The following NELL1 variants were observed in gnomAD, a reference collection of about 807,000 sequenced individuals.
NELL1 encodes neural EGFL like 1, also known as protein kinase C-binding protein NELL1.
NELL1 carries 76 observed loss-of-function variants against 107.4 expected under a neutral mutation model. The observed-to-expected ratio is 0.71, with a 90% CI of 0.59 to 0.86. The LOEUF is 0.86. Among genes scored for constraint, NELL1 ranks in the 40% least tolerant of loss-of-function variants. The probability of loss-of-function intolerance (pLI) is 0.00; values close to 1 mark genes in which losing one functional copy is unlikely to be tolerated. For synonymous variants in NELL1, 353 were observed against 341.2 expected, an observed-to-expected ratio of 1.03 and a Z score of -0.38; for missense variants, 1,024 against 1,005.5, an observed-to-expected ratio of 1.02 and a Z score of -0.25.
chr11:20,713,023 T>C (rs7940774), intron 2 of NELL1, among the ~76,000 whole-genome samples: 1 of 152,232 alleles, frequency 6.6e-6, no homozygotes, highest in Admixed American at 6.5e-5. Flanking sequence ...GGCAGTGGAA[T>C]TACCTGTTGT....
At chr11:20,936,690 T>G (rs1168865026) in intron 9 of NELL1, among the ~76,000 whole-genome samples, 1 of 152,210 alleles carries the variant, frequency 6.6e-6, no homozygotes, top group African/African-American at 2.4e-5. Flanking sequence ...GAAGAAAGCT[T>G]TGGTTCTTGC....
At chr11:21,033,197 C>T (rs914531660) in intron 12 of NELL1, among the ~76,000 whole-genome samples, 4 of 152,034 alleles carry the variant, frequency 2.6e-5, no homozygotes, top group Non-Finnish European at 5.9e-5. Context: ...GTGTGGGTTA[C>T]TTTGTATTAA....
intron 14 of NELL1, among the ~76,000 whole-genome samples, chr11:21,337,785 T>TTTCTTTCTTTCTTTCTTTCC (rs1565175379): frequency 2.1e-5 from 3 of 140,302 alleles, no homozygotes; most frequent in South Asian, 5.0e-4. Flanking sequence ...TCTTTCTTTC[T>TTTCTTTCTTTCTTTCTTTCC]TTCTTTCTTT....
At chr11:21,387,713 A>C (rs1054204114) in intron 15 of NELL1, among the ~76,000 whole-genome samples, 2 of 151,814 alleles carry the variant, frequency 1.3e-5, no homozygotes, top group Admixed American at 6.6e-5. Context: ...TTTTTTCTCA[A>C]TTGAACTCTG....
intron 12 of NELL1, among the ~76,000 whole-genome samples, chr11:21,003,562 G>A (rs1478036387): frequency 6.6e-6 from 1 of 152,094 alleles, no homozygotes; most frequent in Non-Finnish European, 1.5e-5. Flanking sequence ...TAGTCATGGG[G>A]CCTGTAAATG....
intron 14 of NELL1, among the ~76,000 whole-genome samples, chr11:21,298,723 C>A (rs1424304559): frequency 1.3e-5 from 2 of 151,892 alleles, no homozygotes; most frequent in African/African-American, 4.8e-5. Flanking sequence ...CCATCTGGAC[C>A]ATTCGGTGCC....
chr11:21,412,680 A>G (rs1852408309), intron 15 of NELL1, among the ~76,000 whole-genome samples: 1 of 152,070 alleles, frequency 6.6e-6, no homozygotes. Flanking sequence ...AGAGAAGTTT[A>G]CCTCCTTTGA....
chr11:21,153,520 G>C (rs2133789910), intron 13 of NELL1, among the ~76,000 whole-genome samples: 1 of 152,290 alleles, frequency 6.6e-6, no homozygotes, highest in Non-Finnish European at 1.5e-5. Flanking sequence ...AGCAGACACA[G>C]AATGTTTGCC....
chr11:21,097,411 G>C (rs944248297), intron 12 of NELL1, among the ~76,000 whole-genome samples: 1 of 152,170 alleles, frequency 6.6e-6, no homozygotes, highest in African/African-American at 2.4e-5. Context: ...AGGACACCAG[G>C]GGGTTTTTAT....
At chr11:21,411,530 GTTAT>G (rs1852376535) in intron 15 of NELL1, among the ~76,000 whole-genome samples, 2 of 152,192 alleles carry the variant, frequency 1.3e-5, no homozygotes, top group South Asian at 4.1e-4. Context: ...GTGTGAAAAA[GTTAT>G]TTGAGGTCTG....
At chr11:20,958,583 A>T (rs35608087) in intron 11 of NELL1, among the ~76,000 whole-genome samples, 5 of 152,178 alleles carry the variant, frequency 3.3e-5, no homozygotes, top group African/African-American at 1.2e-4. Context: ...TTGAGATAAA[A>T]TAACCGTATA....
chr11:21,371,940 A>G (rs971525554), intron 15 of NELL1, among the ~76,000 whole-genome samples: 2 of 151,988 alleles, frequency 1.3e-5, no homozygotes, highest in Non-Finnish European at 2.9e-5. Context: ...ACCCTGACCA[A>G]CCTGTTATAT....
intron 3 of NELL1, among the ~76,000 whole-genome samples, chr11:20,812,102 G>T (rs1265116275): frequency 1.3e-5 from 2 of 152,178 alleles, no homozygotes; most frequent in East Asian, 1.9e-4. Flanking sequence ...TTATGTTGAG[G>T]TATATACCTT....
intron 13 of NELL1, among the ~76,000 whole-genome samples, chr11:21,173,769 G>GTGTC (rs1462429598): frequency 6.6e-6 from 1 of 151,554 alleles, no homozygotes; most frequent in Non-Finnish European, 1.5e-5. Flanking sequence ...GTGTGTCTGT[G>GTGTC]TGTCTGTGTG....
chr11:21,351,829 C>A (rs1037830991), intron 14 of NELL1, among the ~76,000 whole-genome samples: 1 of 152,126 alleles, frequency 6.6e-6, no homozygotes, highest in Non-Finnish European at 1.5e-5. Flanking sequence ...TCAGAGAGAG[C>A]GTCTATTGAA....
At chr11:21,114,386 T>C (rs1016265195) in intron 13 of NELL1, among the ~76,000 whole-genome samples, 1 of 151,978 alleles carries the variant, frequency 6.6e-6, no homozygotes, top group Non-Finnish European at 1.5e-5. Context: ...TTGGACCAAA[T>C]GTGTTTAAAT....
intron 12 of NELL1, among the ~76,000 whole-genome samples, chr11:21,077,512 G>A (rs1159001714): frequency 6.6e-6 from 1 of 152,104 alleles, no homozygotes; most frequent in African/African-American, 2.4e-5. Context: ...GGAGGGCGAG[G>A]CAGGTGGATC....
intron 14 of NELL1, among the ~76,000 whole-genome samples, chr11:21,361,359 A>C (rs1851072381): frequency 6.7e-6 from 1 of 148,800 alleles, no homozygotes; most frequent in Non-Finnish European, 1.5e-5. Context: ...GTCTGCTATT[A>C]ATCTGATAGA....
At chr11:21,069,606 A>G (rs1230209874) in intron 12 of NELL1, among the ~76,000 whole-genome samples, 2 of 152,214 alleles carry the variant, frequency 1.3e-5, no homozygotes, top group African/African-American at 4.8e-5. Flanking sequence ...CATCTAATTA[A>G]AGCTACTCTT....
Sources: gnomAD v4.1 joint callset for allele counts (sites outside exome capture counted in the v4.1 genomes callset) on GRCh38, gnomAD v4.1.1 for gene constraint, MANE v1.5 for transcripts, NCBI Gene and HGNC (gene_info 2026-07-23, HGNC 2026-07-21) for gene names.